SLC38A4: variants seen among roughly 807,000 people sequenced by gnomAD.
SLC38A4 encodes solute carrier family 38 member 4.
In SLC38A4, 20 loss-of-function variants were observed where a neutral mutation model predicts 63.1. The ratio of observed to expected loss-of-function variants is 0.32; its 90% CI spans 0.22 to 0.46. SLC38A4 has a LOEUF of 0.46. Among genes scored for constraint, SLC38A4 ranks in the 20% least tolerant of loss-of-function variants. The pLI, the probability that SLC38A4 is intolerant of heterozygous loss-of-function variation, is 1.00. For missense variants in SLC38A4, 526 were observed against 663.6 expected (o/e 0.79, Z 2.28); for synonymous variants, 230 against 225.5 (o/e 1.02, Z -0.18).
At chr12:46,798,291 C>T (rs751169793) in intron 2 of SLC38A4, among the ~76,000 whole-genome samples, 3 of 152,134 alleles carry the variant, frequency 2.0e-5, no homozygotes, top group Non-Finnish European at 4.4e-5. Context: ...CCTGGTCCAC[C>T]CACCTCTCTG....
intron 2 of SLC38A4, among the ~76,000 whole-genome samples, chr12:46,798,126 C>T (rs1939055811): frequency 6.6e-6 from 1 of 152,124 alleles, no homozygotes. Context: ...CCTAACCACC[C>T]CCACCATTCA....
At chr12:46,785,558 A>C (rs2120805157) in intron 5 of SLC38A4, among the ~76,000 whole-genome samples, 1 of 152,182 alleles carries the variant, frequency 6.6e-6, no homozygotes. Context: ...AGGGCTATTC[A>C]ATAGCCTGAC....
intron 1 of SLC38A4, among the ~76,000 whole-genome samples, chr12:46,820,967 T>A (rs895565665): frequency 1.3e-5 from 2 of 152,244 alleles, no homozygotes; most frequent in South Asian, 4.1e-4. Context: ...TGGCCATTCG[T>A]ATGTCTTTTT....
chr12:46,767,502 C>G (rs778630767), intron 16 of SLC38A4, among the ~76,000 whole-genome samples: 9 of 151,936 alleles, frequency 5.9e-5, no homozygotes, highest in Middle Eastern at 6.3e-3. Context: ...TTGCCAAGGT[C>G]ACACTGCTGT....
At chr12:46,824,585 C>T (rs1207626750) in intron 1 of SLC38A4, among the ~76,000 whole-genome samples, 1 of 152,142 alleles carries the variant, frequency 6.6e-6, no homozygotes, top group Non-Finnish European at 1.5e-5. Flanking sequence ...AACGACCAAA[C>T]TATCCATCTA....
chr12:46,817,257 CT>C (rs1939458847), intron 1 of SLC38A4, among the ~76,000 whole-genome samples: 1 of 151,804 alleles, frequency 6.6e-6, no homozygotes, highest in Non-Finnish European at 1.5e-5. Context: ...ACTCATACGA[CT>C]TTGTTGTAGA....
chr12:46,801,287 A>G (rs1328321985), intron 2 of SLC38A4, among the ~76,000 whole-genome samples: 1 of 152,088 alleles, frequency 6.6e-6, no homozygotes, highest in Non-Finnish European at 1.5e-5. Flanking sequence ...TGTTCTTTGG[A>G]TGGGTACCTA....
intron 6 of SLC38A4, 27 bp from the exon 7 acceptor site, chr12:46,784,661 T>G (rs1350034386): frequency 4.5e-6 from 7 of 1,555,574 alleles, no homozygotes; most frequent in Non-Finnish European, 6.2e-6. Context: ...AATAGCCTTG[T>G]TAAAGAGATT....
At chr12:46,767,775 T>C (rs1262479361) in intron 16 of SLC38A4, among the ~76,000 whole-genome samples, 1 of 152,080 alleles carries the variant, frequency 6.6e-6, no homozygotes, top group Non-Finnish European at 1.5e-5. Flanking sequence ...GGAAAAGAAA[T>C]ATGTACTCTC....
intron 2 of SLC38A4, among the ~76,000 whole-genome samples, chr12:46,802,349 T>G (rs1227118101): frequency 6.6e-6 from 1 of 152,034 alleles, no homozygotes; most frequent in African/African-American, 2.4e-5. Context: ...CTGGATGCAG[T>G]AAGTTCCATT....
intron 1 of SLC38A4, among the ~76,000 whole-genome samples, chr12:46,823,452 A>C (rs940977956): frequency 2.6e-5 from 4 of 152,190 alleles, no homozygotes; most frequent in African/African-American, 9.7e-5. Flanking sequence ...AAGAGTTATA[A>C]ATTATTTTAG....
intron 1 of SLC38A4, among the ~76,000 whole-genome samples, chr12:46,817,264 G>T (rs1231809028): frequency 6.6e-6 from 1 of 151,840 alleles, no homozygotes; most frequent in East Asian, 1.9e-4. Context: ...CGACTTTGTT[G>T]TAGATAAACA....
intron 1 of SLC38A4, among the ~76,000 whole-genome samples, chr12:46,822,858 G>T (rs1939579345): frequency 2.0e-5 from 3 of 152,146 alleles, no homozygotes; most frequent in Admixed American, 2.0e-4. Context: ...TTGGTATAAA[G>T]AATAATGGAA....
At chr12:46,821,284 C>T (rs964859438) in intron 1 of SLC38A4, among the ~76,000 whole-genome samples, 2 of 152,020 alleles carry the variant, frequency 1.3e-5, no homozygotes, top group African/African-American at 4.8e-5. Flanking sequence ...AGGAGTTTTA[C>T]AGTTTCAAGT....
intron 2 of SLC38A4, among the ~76,000 whole-genome samples, chr12:46,798,462 C>T (rs554396890): frequency 1.3e-5 from 2 of 152,264 alleles, no homozygotes; most frequent in East Asian, 1.9e-4. Flanking sequence ...CTTAATTTAT[C>T]CAGCCCCTCT....
intron 2 of SLC38A4, among the ~76,000 whole-genome samples, chr12:46,794,118 A>G (rs1938952001): frequency 6.6e-6 from 1 of 152,152 alleles, no homozygotes; most frequent in East Asian, 1.9e-4. Flanking sequence ...TACCCATTTG[A>G]TAAGGAAATC....
chr12:46,804,993 G>T (rs1355534774), intron 1 of SLC38A4, among the ~76,000 whole-genome samples: 1 of 151,876 alleles, frequency 6.6e-6, no homozygotes, highest in Non-Finnish European at 1.5e-5. Flanking sequence ...TGCAAAAATT[G>T]CAATAATTGT....
chr12:46,785,310 G>T, intron 5 of SLC38A4, 133 bp from the exon 6 acceptor site: 1 of 694,804 alleles, frequency 1.4e-6, no homozygotes, highest in Non-Finnish European at 2.4e-6. Context: ...ATTTGGGGGA[G>T]GCTGAGAAAT....
chr12:46,790,567 T>C (rs1055501442), intron 3 of SLC38A4, among the ~76,000 whole-genome samples: 24 of 152,140 alleles, frequency 1.6e-4, no homozygotes, highest in Non-Finnish European at 3.5e-4. Flanking sequence ...AAAACAAAAG[T>C]GCCACCTAGA....
Sources: allele counts gnomAD v4.1 joint callset (sites outside exome capture counted in the v4.1 genomes callset), GRCh38; gene constraint gnomAD v4.1.1; transcripts MANE v1.5; gene names NCBI Gene and HGNC (gene_info 2026-07-23, HGNC 2026-07-21).